Variants in SPMIP11 observed in about 807,000 individuals in gnomAD.
SPMIP11 encodes sperm microtubule inner protein 11, also known as long intergenic non-protein coding RNA 935.
At chr12:48,761,719 C>CTT in the SPMIP11 span, among the ~76,000 whole-genome samples, 1,010 of 95,200 alleles carry the variant, frequency 0.011, 50 homozygotes, top group African/African-American at 0.038. Flanking sequence ...ATATAACATT[C>CTT]TTTTTTTTTT....
At chr12:48,762,259 C>T in the SPMIP11 span, among the ~76,000 whole-genome samples, 24 of 147,626 alleles carry the variant, frequency 1.6e-4, no homozygotes, top group South Asian at 8.6e-4. Context: ...AGGGTTTCAC[C>T]GTGTTAGCTA....
the SPMIP11 span, among the ~76,000 whole-genome samples, chr12:48,752,003 G>A: frequency 6.7e-6 from 1 of 149,440 alleles, no homozygotes; most frequent in African/African-American, 2.5e-5. Context: ...GGAGGCGGAG[G>A]TTGCAGTGAG....
the SPMIP11 span, among the ~76,000 whole-genome samples, chr12:48,744,885 A>AAGC: frequency 1.3e-5 from 2 of 152,156 alleles, no homozygotes; most frequent in African/African-American, 4.8e-5. Flanking sequence ...AAAGAAAAAG[A>AAGC]AGCAGCAGCA....
At chr12:48,770,523 TGA>T in the SPMIP11 span, among the ~76,000 whole-genome samples, 11 of 152,208 alleles carry the variant, frequency 7.2e-5, no homozygotes, top group Non-Finnish European at 7.3e-5. Flanking sequence ...TTAATCTCTC[TGA>T]GAGTCAGTCT....
the SPMIP11 span, among the ~76,000 whole-genome samples, chr12:48,757,959 A>T: frequency 6.6e-6 from 1 of 152,104 alleles, no homozygotes; most frequent in African/African-American, 2.4e-5. Flanking sequence ...ATGCCACTGC[A>T]CTCCAGCCTG....
At chr12:48,743,207 A>G in the SPMIP11 span, among the ~76,000 whole-genome samples, 2 of 151,768 alleles carry the variant, frequency 1.3e-5, no homozygotes, top group African/African-American at 4.8e-5. Flanking sequence ...AGCATGGCCA[A>G]CATGGCAAAA....
the SPMIP11 span, among the ~76,000 whole-genome samples, chr12:48,728,458 C>T: frequency 3.3e-5 from 5 of 152,046 alleles, no homozygotes; most frequent in Non-Finnish European, 7.4e-5. Flanking sequence ...CCTGTAATCC[C>T]AACACTTTGG....
At chr12:48,737,575 T>C in the SPMIP11 span, among the ~76,000 whole-genome samples, 89,540 of 151,432 alleles carry the variant, frequency 0.59, 26,798 homozygotes, top group East Asian at 0.76. Flanking sequence ...CAACCATGTC[T>C]GGCTGATATT....
At chr12:48,769,922 C>T in the SPMIP11 span, among the ~76,000 whole-genome samples, 100 of 152,006 alleles carry the variant, frequency 6.6e-4, 1 homozygote, top group African/African-American at 2.0e-3. Flanking sequence ...CCACCACACC[C>T]GGCTAATTTT....
the SPMIP11 span, among the ~76,000 whole-genome samples, chr12:48,761,612 TAA>T: frequency 1.1e-3 from 124 of 115,352 alleles, no homozygotes; most frequent in African/African-American, 1.9e-3. Context: ...ACCCTGTCTT[TAA>T]AAAAAAAAAA....
the SPMIP11 span, among the ~76,000 whole-genome samples, chr12:48,748,064 T>C: frequency 6.6e-6 from 1 of 152,140 alleles, no homozygotes; most frequent in African/African-American, 2.4e-5. Flanking sequence ...TCTCCCTCCT[T>C]GAATCTCTGA....
the SPMIP11 span, among the ~76,000 whole-genome samples, chr12:48,761,023 G>A: frequency 1.3e-5 from 2 of 152,334 alleles, no homozygotes; most frequent in South Asian, 4.1e-4. Context: ...CTTTAGGCAA[G>A]TTCCTTTAAC....
the SPMIP11 span, chr12:48,768,954 C>G: frequency 6.2e-7 from 1 of 1,613,514 alleles, no homozygotes; most frequent in Non-Finnish European, 8.5e-7. Flanking sequence ...CGGTCGGGGA[C>G]CCCCGTGCTG....
chr12:48,749,698 T>C, the SPMIP11 span, among the ~76,000 whole-genome samples: 11 of 112,170 alleles, frequency 9.8e-5, no homozygotes, highest in South Asian at 2.5e-4. Context: ...TCTTCTTCTT[T>C]TTTTTTTTTT....
At chr12:48,741,647 CT>C in the SPMIP11 span, among the ~76,000 whole-genome samples, 2,327 of 133,404 alleles carry the variant, frequency 0.017, 34 homozygotes, top group African/African-American at 0.039. Context: ...TGTAAGTATT[CT>C]TTTTTTTTTT....
the SPMIP11 span, among the ~76,000 whole-genome samples, chr12:48,763,028 C>T: frequency 6.6e-6 from 1 of 151,332 alleles, no homozygotes; most frequent in Non-Finnish European, 1.5e-5. Flanking sequence ...CTGGTTTCCC[C>T]GTATTATTCA....
the SPMIP11 span, chr12:48,759,164 A>C: frequency 1.4e-6 from 1 of 700,700 alleles, no homozygotes; most frequent in Non-Finnish European, 2.6e-6. Context: ...AGAGAATCAA[A>C]TAGTCATTTG....
the SPMIP11 span, among the ~76,000 whole-genome samples, chr12:48,732,590 T>C: frequency 5.3e-5 from 8 of 151,750 alleles, no homozygotes; most frequent in Non-Finnish European, 1.0e-4. Context: ...GCCAACATGG[T>C]GAAACCCCGT....
At chr12:48,728,652 GAGC>G in the SPMIP11 span, among the ~76,000 whole-genome samples, 168 of 144,048 alleles carry the variant, frequency 1.2e-3, no homozygotes, top group African/African-American at 4.1e-3. Context: ...AGCTTGCAGT[GAGC>G]TGAAATCGAG....
Sources: allele counts gnomAD v4.1 joint callset (sites outside exome capture counted in the v4.1 genomes callset), GRCh38; gene constraint gnomAD v4.1.1; transcripts MANE v1.5; gene names NCBI Gene and HGNC (gene_info 2026-07-23, HGNC 2026-07-21).